Variants in LRGUK observed in about 807,000 individuals in gnomAD.
LRGUK encodes leucine rich repeats and guanylate kinase domain containing, also known as leucine-rich repeat and guanylate kinase domain-containing protein.
Under a neutral mutation model 76.0 loss-of-function variants are expected in LRGUK, and 65 were observed. The observed-to-expected ratio is 0.85, with a 90% CI of 0.70 to 1.05. The LOEUF is 1.05. LRGUK is among the 50% of genes least tolerant of loss of function. LRGUK has a pLI of 0.00. For missense variants in LRGUK, 758 were observed against 732.8 expected, an observed-to-expected ratio of 1.03 and a Z score of -0.40; for synonymous variants, 268 against 265.6, an observed-to-expected ratio of 1.01 and a Z score of -0.09.
In LRGUK at chr7:134,199,352, T is replaced by C. The variant is rs139535134; in HGVS notation, c.1678T>C (p.Ser560Pro). 851 of 1,613,938 alleles carry C rather than the reference T, an allele frequency of 5.3e-4. 9 individuals carry two copies. In the African/African-American group the frequency reaches 0.011, roughly 20 times the overall value. Residue 560 changes from serine to proline, a missense_variant, in exon 14 of 16, where the codon TCC becomes CCC. Coordinates refer to ENST00000645682, the Ensembl canonical transcript of LRGUK. Reference sequence around the variant, plus strand: ...TCGTGCAGAAATTGAATTTGCTGTCTCCAGAGTGGACCTTTATATTAAAAT... The same window carrying C: ...TCGTGCAGAAATTGAATTTGCTGTCCCCAGAGTGGACCTTTATATTAAAAT...
chr7:134,208,960 T>G (rs1056629912), exon 16 of LRGUK: 2 of 398,928 alleles, frequency 5.0e-6, no homozygotes. Flanking sequence ...AACACCTCAG[T>G]TCATCAGCAC....
chr7:134,218,910 T>A (rs1348734705), intron 15 of LRGUK, among the ~76,000 whole-genome samples: 1 of 152,216 alleles, frequency 6.6e-6, no homozygotes, highest in Non-Finnish European at 1.5e-5. Context: ...TTTCCTGCAT[T>A]TGTAATGATA....
intron 5 of LRGUK, among the ~76,000 whole-genome samples, chr7:134,153,530 T>C (rs1798320841): frequency 6.6e-6 from 1 of 152,170 alleles, no homozygotes; most frequent in Admixed American, 6.5e-5. Flanking sequence ...TTCATAGAAA[T>C]TTAATTCCAG....
intron 7 of LRGUK, among the ~76,000 whole-genome samples, chr7:134,170,136 CACTT>C (rs980391606): frequency 6.6e-6 from 1 of 152,026 alleles, no homozygotes; most frequent in African/African-American, 2.4e-5. Context: ...GTTTGTTAGA[CACTT>C]AGTTTTCTTT....
At chr7:134,128,177 ATACAT>A (rs1183742513) in intron 1 of LRGUK, among the ~76,000 whole-genome samples, 1 of 152,102 alleles carries the variant, frequency 6.6e-6, no homozygotes, top group Non-Finnish European at 1.5e-5. Context: ...TAAAAGTTGA[ATACAT>A]TACTTCTGTC....
rs531768845 is a variant in LRGUK, at chr7:134,172,755, G to A, written c.940-1801G>A. Among the ~76,000 whole-genome samples the A allele has an allele frequency of 8.5e-5, 13 of 152,260 alleles. 1 individual carries two copies. Among genetic ancestry groups the A allele is most frequent in the African/African-American group, 3.1e-4 (13 of 41,548 alleles). ...ACTTGGGAATGGGAAGTCGAGGTGG[G>A]TGGATTGCTTGAGCCCAGGAGTTCA... On this transcript the variant is annotated intron_variant, in intron 7 of 15. Transcript: ENST00000645682.
At chr7:134,221,680 C>A in intron 15 of LRGUK, 99 bp from the exon 16 acceptor site, 2 of 866,384 alleles carry the variant, frequency 2.3e-6, no homozygotes, top group Non-Finnish European at 1.6e-6. Flanking sequence ...AAGTATCCAG[C>A]TTGTTATGTT....
At chr7:134,256,459 C>CAAAAAA (rs34522132) in intron 18 of LRGUK, among the ~76,000 whole-genome samples, 20 of 57,502 alleles carry the variant, frequency 3.5e-4, no homozygotes, top group African/African-American at 1.0e-3. Flanking sequence ...AACTCTGTCT[C>CAAAAAA]AAAAAAAAAA....
At chr7:134,243,400 T>G (rs1264618772) in intron 16 of LRGUK, among the ~76,000 whole-genome samples, 1 of 152,186 alleles carries the variant, frequency 6.6e-6, no homozygotes, top group Non-Finnish European at 1.5e-5. Context: ...AGCATTCCTA[T>G]ACACCAATAA....
chr7:134,197,192 T>C, intron 13 of LRGUK, 87 bp downstream of exon 13: 2 of 746,632 alleles, frequency 2.7e-6, no homozygotes, highest in Non-Finnish European at 4.5e-6. Flanking sequence ...TGTATATATG[T>C]ATAAACTTTT....
chr7:134,222,330 A>G (rs1018389032), intron 16 of LRGUK, among the ~76,000 whole-genome samples: 1 of 152,230 alleles, frequency 6.6e-6, no homozygotes, highest in African/African-American at 2.4e-5. Context: ...ATAACTTAGC[A>G]CTTCTTAAAC....
chr7:134,263,403 C>CTGTGTGTGTGTGTCTGTG (rs1554479224), intron 19 of LRGUK, among the ~76,000 whole-genome samples: 7 of 142,178 alleles, frequency 4.9e-5, no homozygotes, highest in African/African-American at 2.0e-4. Flanking sequence ...CTTCACTTCA[C>CTGTGTGTGTGTGTCTGTG]TGTGTGTGTG....
chr7:134,195,727 C>T (rs1563175394), intron 12 of LRGUK, among the ~76,000 whole-genome samples: 3 of 149,840 alleles, frequency 2.0e-5, no homozygotes, highest in African/African-American at 7.4e-5. Context: ...GAGAGCCAGA[C>T]ATATATATAT....
exon 3 of LRGUK, chr7:134,139,476 T>A (rs1389989356): frequency 1.2e-6 from 2 of 1,610,854 alleles, no homozygotes; most frequent in Non-Finnish European, 1.7e-6. Context: ...TGTGGATATG[T>A]TCATCTACAG....
chr7:134,131,849 G>C (rs1797321672), intron 1 of LRGUK, among the ~76,000 whole-genome samples: 1 of 152,154 alleles, frequency 6.6e-6, no homozygotes, highest in African/African-American at 2.4e-5. Flanking sequence ...CAGAGTAGGA[G>C]ACATGGGAAT....
chr7:134,160,973 AT>A (rs917749560), intron 6 of LRGUK, among the ~76,000 whole-genome samples: 64 of 152,068 alleles, frequency 4.2e-4, no homozygotes, highest in African/African-American at 1.5e-3. Context: ...GTGATTCTAA[AT>A]TTTTTTTCAG....
the LRGUK span, among the ~76,000 whole-genome samples, chr7:134,275,945 T>G: frequency 6.6e-6 from 1 of 152,138 alleles, no homozygotes. Flanking sequence ...GCTCTAATTG[T>G]TAGAATCACA....
At chr7:134,168,443 C>A (rs1190421805) in intron 7 of LRGUK, among the ~76,000 whole-genome samples, 2 of 152,150 alleles carry the variant, frequency 1.3e-5, no homozygotes, top group African/African-American at 4.8e-5. Flanking sequence ...ATTTGCCTCC[C>A]TTCTATCAAA....
At chr7:134,247,705 G>T (rs1366473612) in intron 17 of LRGUK, 61 bp downstream of exon 17, 28 of 1,307,474 alleles carry the variant, frequency 2.1e-5, no homozygotes, top group Non-Finnish European at 2.8e-5. Context: ...TAGATCAAAT[G>T]AATCCTAAAT....
Sources: allele counts gnomAD v4.1 joint callset (sites outside exome capture counted in the v4.1 genomes callset), GRCh38; gene constraint gnomAD v4.1.1; transcripts MANE v1.5; gene names NCBI Gene and HGNC (gene_info 2026-07-23, HGNC 2026-07-21).